SNX30: variants seen among roughly 807,000 people sequenced by gnomAD.
SNX30 encodes sorting nexin-30.
SNX30 carries 24 observed loss-of-function variants against 46.4 expected under a neutral mutation model. The observed-to-expected ratio is 0.52, with a 90% CI of 0.37 to 0.73. The LOEUF (loss-of-function observed/expected upper bound fraction) is 0.73. SNX30 is among the 30% of genes least tolerant of loss of function. SNX30 has a pLI of 0.00. For missense variants in SNX30, 533 were observed against 555.7 expected (o/e 0.96, Z 0.41); for synonymous variants, 189 against 211.5 (o/e 0.89, Z 0.92).
chr9:112,850,210 G>T (rs1236380099), intron 6 of SNX30, among the ~76,000 whole-genome samples: 3 of 152,198 alleles, frequency 2.0e-5, no homozygotes, highest in African/African-American at 4.8e-5. Flanking sequence ...CACTCTGGTG[G>T]GCTGGCTGCA....
intron 7 of SNX30, among the ~76,000 whole-genome samples, chr9:112,853,865 C>T (rs566735951): frequency 6.6e-5 from 10 of 152,238 alleles, no homozygotes; most frequent in African/African-American, 1.7e-4. Flanking sequence ...CAAATCATCA[C>T]GTCATACGCC....
At chr9:112,842,318 A>G (rs1217450083) in intron 6 of SNX30, among the ~76,000 whole-genome samples, 1 of 152,184 alleles carries the variant, frequency 6.6e-6, no homozygotes, top group African/African-American at 2.4e-5. Flanking sequence ...GTGAGGAGTT[A>G]CTGGTGTGGT....
At chr9:112,770,147 G>A (rs1839622129) in intron 1 of SNX30, among the ~76,000 whole-genome samples, 1 of 152,026 alleles carries the variant, frequency 6.6e-6, no homozygotes, top group Non-Finnish European at 1.5e-5. Flanking sequence ...GTCGCATCAT[G>A]TCTCTTGCTT....
chr9:112,845,239 T>G (rs568890383), intron 6 of SNX30, among the ~76,000 whole-genome samples: 2 of 151,926 alleles, frequency 1.3e-5, no homozygotes, highest in Non-Finnish European at 2.9e-5. Context: ...AAGGAGGCAA[T>G]AGCAGTACAA....
rs1839496944 is a variant in SNX30 at position 112,764,371 on chromosome 9, G to A, written c.156+13214G>A. 3.9e-5 allele frequency among the ~76,000 whole-genome samples: 6 copies of A among 152,252 alleles called. No individual in the cohort carries two copies. In the South Asian group the frequency reaches 1.0e-3, roughly 26 times the overall value. On this transcript the variant is annotated intron_variant, in intron 1 of 8. Coordinates refer to ENST00000374232, the MANE Select transcript of SNX30 (RefSeq NM_001012994.2). ...TTGGGAGACCAATTAAGTGTTTGTC[G>A]TCGTTGTTGTTGTTGCTGTTTTTTA... is the stretch of plus-strand genomic sequence containing the variant.
At chr9:112,782,829 G>A (rs1839866728) in intron 1 of SNX30, among the ~76,000 whole-genome samples, 1 of 152,224 alleles carries the variant, frequency 6.6e-6, no homozygotes, top group African/African-American at 2.4e-5. Flanking sequence ...AGTCAGATGT[G>A]CCCCTGCACA....
chr9:112,810,589 C>T (rs1251913485), intron 2 of SNX30, among the ~76,000 whole-genome samples: 1 of 152,010 alleles, frequency 6.6e-6, no homozygotes, highest in East Asian at 1.9e-4. Context: ...TAGGGGATGC[C>T]GTTTAGAGGG....
chr9:112,811,709 C>T (rs992391381), intron 2 of SNX30, among the ~76,000 whole-genome samples: 2 of 152,070 alleles, frequency 1.3e-5, no homozygotes, highest in African/African-American at 2.4e-5. Context: ...TGTACATGTG[C>T]GCCCGTGACC....
intron 4 of SNX30, among the ~76,000 whole-genome samples, 197 bp downstream of exon 4, chr9:112,831,080 T>C (rs2131444636): frequency 6.7e-6 from 1 of 150,068 alleles, no homozygotes; most frequent in East Asian, 2.0e-4. Flanking sequence ...GAGGCTTCAG[T>C]GAGCTATGAT....
chr9:112,780,465 G>A (rs548783156), intron 1 of SNX30, among the ~76,000 whole-genome samples: 1 of 152,302 alleles, frequency 6.6e-6, no homozygotes, highest in Admixed American at 6.5e-5. Context: ...TCATTCTAGA[G>A]TCCTCAAAAT....
intron 3 of SNX30, among the ~76,000 whole-genome samples, chr9:112,820,787 G>A (rs1235724370): frequency 3.3e-5 from 5 of 152,016 alleles, no homozygotes; most frequent in Admixed American, 6.5e-5. Flanking sequence ...GATACACAAC[G>A]TGATTTTTTT....
At chr9:112,763,292 C>T (rs955769203) in intron 1 of SNX30, among the ~76,000 whole-genome samples, 2 of 150,934 alleles carry the variant, frequency 1.3e-5, no homozygotes, top group Admixed American at 1.3e-4. Context: ...GCCTCAGCCT[C>T]CTGAGTAGTC....
chr9:112,848,310 A>G (rs1840970717), intron 6 of SNX30, among the ~76,000 whole-genome samples: 1 of 151,974 alleles, frequency 6.6e-6, no homozygotes, highest in African/African-American at 2.4e-5. Context: ...TGGTTTGACC[A>G]ATTTTATCAA....
In SNX30 at chr9:112,817,709, C is replaced by T. The variant is rs1840422489; in HGVS notation, c.353C>T (p.Thr118Ile). 3 of 1,592,268 alleles carry T rather than the reference C, an allele frequency of 1.9e-6. No individual in the cohort carries two copies. The South Asian group carries it at 3.3e-5, about 18-fold the overall frequency. Residue 118 changes from threonine (T) to isoleucine (I), a missense_variant, in exon 3 of 9, where the codon ACT (threonine) becomes ATT (isoleucine). Coordinates refer to ENST00000374232, the MANE Select transcript of SNX30 (RefSeq NM_001012994.2). ...TTTCCATTCTCTTCTTTGCAGAGTA[C>T]TCGGGTGGAGTTTGACCTGCCAGAA... Reference protein sequence around the residue: ...YITYRITTKSTRVEFDLPEYS... With the variant: ...YITYRITTKSIRVEFDLPEYS...
At chr9:112,855,327 G>A (rs1389399544) in intron 7 of SNX30, among the ~76,000 whole-genome samples, 1 of 152,166 alleles carries the variant, frequency 6.6e-6, no homozygotes, top group Non-Finnish European at 1.5e-5. Context: ...TAGCTCAGGG[G>A]ACTGTCTCAG....
chr9:112,847,368 G>A (rs1382205910), intron 6 of SNX30, among the ~76,000 whole-genome samples: 1 of 151,780 alleles, frequency 6.6e-6, no homozygotes, highest in Non-Finnish European at 1.5e-5. Flanking sequence ...CCACCCTGTG[G>A]TTTAATTTTA....
At chr9:112,821,733 G>C (rs1416955134) in intron 3 of SNX30, among the ~76,000 whole-genome samples, 1 of 151,864 alleles carries the variant, frequency 6.6e-6, no homozygotes, top group African/African-American at 2.4e-5. Flanking sequence ...TGTTCCGCCT[G>C]ACTTGGCTTC....
intron 1 of SNX30, among the ~76,000 whole-genome samples, chr9:112,786,102 C>T (rs1244243665): frequency 6.9e-6 from 1 of 143,928 alleles, no homozygotes; most frequent in Non-Finnish European, 1.5e-5. Flanking sequence ...GCTGTACTAA[C>T]ATGTAGGAGC....
chr9:112,778,899 G>GT (rs1241908909), intron 1 of SNX30, among the ~76,000 whole-genome samples: 2 of 151,974 alleles, frequency 1.3e-5, no homozygotes, highest in Admixed American at 1.3e-4. Context: ...CTTGGGGGGG[G>GT]GGGATTTGCA....
Sources: allele counts gnomAD v4.1 joint callset (sites outside exome capture counted in the v4.1 genomes callset), GRCh38; gene constraint gnomAD v4.1.1; transcripts MANE v1.5; gene names NCBI Gene and HGNC (gene_info 2026-07-23, HGNC 2026-07-21).